Variants in IL2RA observed in about 807,000 individuals in gnomAD.
IL2RA encodes interleukin-2 receptor subunit alpha.
In IL2RA, 24 loss-of-function variants were observed where a neutral mutation model predicts 37.8. That is an observed-to-expected ratio of 0.63 (90% CI 0.46 to 0.89). The LOEUF (loss-of-function observed/expected upper bound fraction) is 0.89, where lower values mean the gene tolerates loss of function less well. Ranked by LOEUF, IL2RA falls within the 40% of genes least tolerant of loss-of-function variation. The pLI, the probability that IL2RA is intolerant of heterozygous loss-of-function variation, is 0.00. For missense variants in IL2RA, 319 were observed against 348.6 expected (o/e 0.92, Z 0.68); for synonymous variants, 125 against 114.6 (o/e 1.09, Z -0.58).
chr10:6,021,323 T>C lies in IL2RA; in HGVS notation c.583+155A>G, dbSNP rs908693538. On this transcript the variant is annotated intron_variant, in intron 4 of 7. Coordinates refer to ENST00000379959, the MANE Select transcript of IL2RA (RefSeq NM_000417.3). The surrounding 1 kb of genome is among the most constrained non-coding windows in gnomAD (Gnocchi z 4.9). ...TCTGATCTGGTCTATTTAAATTTTT[T>C]TTTTTTTCTCAGAATGAGAAAAAAT... 2.0e-5 allele frequency among the ~76,000 whole-genome samples: 3 copies of C among 152,036 alleles called. No individual in the cohort carries two copies. Among genetic ancestry groups the C allele is most frequent in the East Asian group, 1.9e-4 (1 of 5,176 alleles).
intron 1 of IL2RA, among the ~76,000 whole-genome samples, chr10:6,060,239 G>A (rs995712470): frequency 2.6e-5 from 4 of 152,152 alleles, no homozygotes; most frequent in South Asian, 4.1e-4. Flanking sequence ...AGAACGGCAC[G>A]ATGGACTCTG....
Position 6,033,771 on chromosome 10 carries a change from G to A in IL2RA, c.65-7746C>T, listed in dbSNP as rs1390548609. Among the ~76,000 whole-genome samples, 1 of 152,216 alleles carries A rather than the reference G, an allele frequency of 6.6e-6. No individual in the cohort carries two copies. ...TATCCAGAGATAGAAAGCAGACAGT[G>A]GTTTCTTGTGGTAGGTGGGTATTGA... On this transcript the variant is annotated intron_variant, in intron 1 of 7. Transcript: ENST00000379959. This position sits in a 1 kb window ranked among gnomAD's most constrained non-coding sequence, Gnocchi z 4.3.
At chr10:6,026,929 G>A (rs967282045) in intron 1 of IL2RA, among the ~76,000 whole-genome samples, 8 of 152,124 alleles carry the variant, frequency 5.3e-5, no homozygotes, top group Non-Finnish European at 1.0e-4. Flanking sequence ...TTCAGGTTAA[G>A]TGAAGCTTCT....
Position 6,024,310 on chromosome 10 carries a change from G to A in IL2RA, c.301C>T (p.Gln101Ter), listed in dbSNP as rs886041037. The change falls in exon 3 of 8, where the codon CAG becomes TAG. Residue 101 changes from glutamine (Q) to a stop codon, truncating the protein, a stop_gained. Coordinates refer to ENST00000379959, the MANE Select transcript of IL2RA (RefSeq NM_000417.3). LOFTEE classifies it high-confidence loss of function. Reference protein sequence around the residue: ...TKQVTPQPEEQKERKTTEMQS... With the variant: ...TKQVTPQPEE ...ATTTCTGTGGTTTTCCTTTCTTTCTGTTCTTCAGGTTGAGGTGTCACTTGT... is the reference window on the plus strand; with the variant it reads ...ATTTCTGTGGTTTTCCTTTCTTTCTATTCTTCAGGTTGAGGTGTCACTTGT... 1.9e-6 allele frequency: 3 copies of A among 1,614,098 alleles called. No homozygotes were observed. Among genetic ancestry groups the A allele is most frequent in the Non-Finnish European group, 2.5e-6 (3 of 1,179,960 alleles).
intron 3 of IL2RA, among the ~76,000 whole-genome samples, chr10:6,023,982 A>C (rs1007963718): frequency 6.6e-6 from 1 of 152,198 alleles, no homozygotes; most frequent in African/African-American, 2.4e-5. Context: ...ATTTGGGTTG[A>C]ATTCTATTTG....
At chr10:6,013,314 C>T (rs796379537) in intron 7 of IL2RA, among the ~76,000 whole-genome samples, 4 of 152,298 alleles carry the variant, frequency 2.6e-5, no homozygotes, top group African/African-American at 4.8e-5. Context: ...GGCTAGGGAA[C>T]GCTTGAAATG....
chr10:6,023,135 G>T (rs757758794), intron 3 of IL2RA, among the ~76,000 whole-genome samples: 9 of 152,178 alleles, frequency 5.9e-5, no homozygotes, highest in Non-Finnish European at 1.0e-4. Context: ...TATCTTTTGT[G>T]CATCTCAGTT....
intron 1 of IL2RA, among the ~76,000 whole-genome samples, chr10:6,050,890 A>C (rs543465694): frequency 1.3e-5 from 2 of 152,122 alleles, no homozygotes; most frequent in Non-Finnish European, 2.9e-5. Flanking sequence ...GGGAGAGGGA[A>C]AGTGAAACTG....
chr10:6,038,024 C>T lies in IL2RA; in HGVS notation c.65-11999G>A, dbSNP rs574927832. Among the ~76,000 whole-genome samples the T allele has an allele frequency of 6.0e-4, 91 of 152,212 alleles. 1 individual carries two copies. In the South Asian group the frequency reaches 7.3e-3, roughly 12 times the overall value. ...GGTGCAAAAGGGATGTAGAACATCC[C>T]TTTTAATGGTATCATAGAATATGAG... On this transcript the variant is annotated intron_variant, in intron 1 of 7. Transcript: ENST00000379959.
intron 1 of IL2RA, among the ~76,000 whole-genome samples, chr10:6,055,561 T>C (rs1840030255): frequency 3.3e-5 from 1 of 30,364 alleles, no homozygotes. Context: ...AGAGGAATTT[T>C]TCTTAGTGCA....
intron 1 of IL2RA, among the ~76,000 whole-genome samples, chr10:6,045,385 G>A (rs1190859865): frequency 6.6e-6 from 1 of 152,062 alleles, no homozygotes; most frequent in East Asian, 1.9e-4. Flanking sequence ...AAAAGAAGCA[G>A]GAAACCAAAA....
In IL2RA at chr10:6,035,268, A is replaced by G. The variant is rs1032949208; in HGVS notation, c.65-9243T>C. 6.6e-6 allele frequency among the ~76,000 whole-genome samples: 1 copy of G among 152,136 alleles called. No individual in the cohort carries two copies. Among genetic ancestry groups the G allele is most frequent in the East Asian group, 1.9e-4 (1 of 5,192 alleles). On this transcript the variant is annotated intron_variant, in intron 1 of 7. Transcript: ENST00000379959. This position sits in a 1 kb window ranked among gnomAD's most constrained non-coding sequence, Gnocchi z 5.4. ...GGGTTCCTTGGGCCCCCGCTAGGGG[A>G]CTTTCTGTTTGCCCTGGGTCTCCCT...
intron 1 of IL2RA, among the ~76,000 whole-genome samples, chr10:6,031,962 A>G (rs1246807926): frequency 6.6e-6 from 1 of 152,204 alleles, no homozygotes; most frequent in Non-Finnish European, 1.5e-5. Flanking sequence ...CTATAAAACT[A>G]TGGAAATCAA....
intron 5 of IL2RA, 102 bp downstream of exon 5, chr10:6,019,768 C>T (rs1589292189): frequency 1.0e-6 from 1 of 998,310 alleles, no homozygotes; most frequent in Non-Finnish European, 1.5e-6. Flanking sequence ...GTGGGCTTCT[C>T]CCCTACAGGT....
At chr10:6,037,523 A>G (rs536390070) in intron 1 of IL2RA, among the ~76,000 whole-genome samples, 85 of 152,292 alleles carry the variant, frequency 5.6e-4, no homozygotes, top group African/African-American at 2.0e-3. Context: ...AGAATAACGC[A>G]CGGAGCACAG....
In IL2RA at chr10:6,021,815, C is replaced by T; in HGVS notation, c.368-122G>A. On this transcript the variant is annotated intron_variant, in intron 3 of 7. Coordinates refer to ENST00000379959, the MANE Select transcript of IL2RA (RefSeq NM_000417.3). This position sits in a 1 kb window ranked among gnomAD's most constrained non-coding sequence, Gnocchi z 4.9. ...TCTCTTGACTGCTTGCTCATCCTTTCATTCAACCAATATATGTTGAGAACG... is the reference window on the plus strand; with the variant it reads ...TCTCTTGACTGCTTGCTCATCCTTTTATTCAACCAATATATGTTGAGAACG... 1 of 784,306 alleles carries T rather than the reference C, an allele frequency of 1.3e-6. No individual in the cohort carries two copies. 48.6% of individuals were successfully genotyped at this position (784,306 alleles called of 1,614,324 possible).
At chr10:6,053,624 A>C (rs993207545) in intron 1 of IL2RA, among the ~76,000 whole-genome samples, 6 of 152,222 alleles carry the variant, frequency 3.9e-5, no homozygotes, top group African/African-American at 1.4e-4. Context: ...GAATAAAGAA[A>C]CCAATGGCTT....
rs1839543828 is a variant in IL2RA at position 6,029,568 on chromosome 10, C to T, written c.65-3543G>A. ...CTATAATGGCAGAGTTGAGTAGTTG[C>T]AGTGGAGTAACATCGCCAGGTAGCC... On this transcript the variant is annotated intron_variant, in intron 1 of 7. Coordinates refer to ENST00000379959, the MANE Select transcript of IL2RA (RefSeq NM_000417.3). The surrounding 1 kb of genome is among the most constrained non-coding windows in gnomAD (Gnocchi z 4.6). Among the ~76,000 whole-genome samples the T allele has an allele frequency of 6.6e-6, 1 of 152,148 alleles. No homozygotes were observed. The highest frequency in any genetic ancestry group is 6.5e-5 in the Admixed American group (1 of 15,282).
At chr10:6,061,255 C>T (rs566479863) in intron 1 of IL2RA, among the ~76,000 whole-genome samples, 5 of 151,994 alleles carry the variant, frequency 3.3e-5, no homozygotes, top group South Asian at 4.2e-4. Flanking sequence ...GGTGTGGTGG[C>T]GTATGCCTGT....
Sources: allele counts gnomAD v4.1 joint callset (sites outside exome capture counted in the v4.1 genomes callset), GRCh38; gene constraint gnomAD v4.1.1; non-coding constraint Gnocchi (gnomAD v3.1); transcripts MANE v1.5; gene names NCBI Gene and HGNC (gene_info 2026-07-23, HGNC 2026-07-21).